ZNF599: variants seen among roughly 807,000 people sequenced by gnomAD.
The protein encoded by ZNF599 is zinc finger protein 599.
In ZNF599, 10 loss-of-function variants were observed where a neutral mutation model predicts 11.7. That is an observed-to-expected ratio of 0.86 (90% confidence interval 0.53 to 1.45). ZNF599 has a LOEUF of 1.45. Among genes scored for constraint, ZNF599 ranks in the 40% most tolerant of loss-of-function variants. The pLI is 0.00. For synonymous variants in ZNF599, 232 were observed against 253.2 expected (o/e 0.92, Z 0.79); for missense variants, 688 against 713.6 (o/e 0.96, Z 0.41).
At chr19:34,796,068 G>A in the ZNF599 span, among the ~76,000 whole-genome samples, 14 of 152,168 alleles carry the variant, frequency 9.2e-5, no homozygotes, top group African/African-American at 2.4e-4. Flanking sequence ...TGATCCGCCC[G>A]CCTCAGCCTC....
the ZNF599 span, among the ~76,000 whole-genome samples, chr19:34,802,438 G>A: frequency 6.6e-6 from 1 of 152,162 alleles, no homozygotes; most frequent in East Asian, 1.9e-4. Flanking sequence ...CCAGGCCCAA[G>A]AAAATCCAAT....
rs2069094829 is a variant in ZNF599 at position 34,759,514 on chromosome 19, C to T, written c.1287G>A (p.Gly429=). The T allele has an allele frequency of 1.2e-6, 2 of 1,613,810 alleles. No homozygotes were observed. Among genetic ancestry groups the T allele is most frequent in the Non-Finnish European group, 1.7e-6 (2 of 1,179,976 alleles). Residue 429 remains glycine (G), a synonymous_variant, in exon 4 of 4, where the codon GGG becomes GGA. Transcript: ENST00000329285. ...GEKPFECKEC[G]KAFCDSSSLI... The stretch of plus-strand genomic sequence containing the variant: ...AGGAAGAGCTGTCACAAAAGGCCTT[C>T]CCACATTCTTTGCACTCAAAGGGCT...
At chr19:34,793,607 C>T in the ZNF599 span, among the ~76,000 whole-genome samples, 1 of 152,078 alleles carries the variant, frequency 6.6e-6, no homozygotes, top group East Asian at 1.9e-4. Flanking sequence ...TGTGGCCCAC[C>T]CTGTGCTTCT....
rs1568494199 is a variant in ZNF599, at chr19:34,767,413, TG to T, written c.146-3del. 1 of 1,612,974 alleles carries T rather than the reference TG, an allele frequency of 6.2e-7. No individual in the cohort carries two copies. Among genetic ancestry groups the T allele is most frequent in the South Asian group, 1.1e-5 (1 of 91,044 alleles). On this transcript the variant is annotated splice_polypyrimidine_tract_variant and splice_region_variant and intron_variant, in intron 2 of 3. Transcript: ENST00000329285. Reference sequence around the variant, plus strand: ...GCTCTGGTTTGGGAACAGGATGCCCTGTGCATGGAGAAACAAATGGAGTATG... The same window carrying T: ...GCTCTGGTTTGGGAACAGGATGCCCTTGCATGGAGAAACAAATGGAGTATG...
the ZNF599 span, among the ~76,000 whole-genome samples, chr19:34,803,831 A>G: frequency 6.6e-6 from 1 of 152,144 alleles, no homozygotes; most frequent in Non-Finnish European, 1.5e-5. Flanking sequence ...CAAATACCAG[A>G]GCCCTAGGAC....
chr19:34,800,510 A>G, the ZNF599 span, among the ~76,000 whole-genome samples: 1 of 146,998 alleles, frequency 6.8e-6, no homozygotes, highest in Non-Finnish European at 1.5e-5. Flanking sequence ...TTTTTCCACT[A>G]TGTCCAGTCT....
chr19:34,765,084 A>AT (rs1204781836), intron 3 of ZNF599: 9 of 150,490 alleles, frequency 6.0e-5, no homozygotes, highest in East Asian at 3.9e-4. Context: ...AAACATCATC[A>AT]TTTTTTTTTA....
chr19:34,792,268 G>A, the ZNF599 span, among the ~76,000 whole-genome samples: 2 of 152,290 alleles, frequency 1.3e-5, no homozygotes, highest in African/African-American at 2.4e-5. Flanking sequence ...AAGTCAGTGG[G>A]TCTCAACCTC....
chr19:34,758,672 C>T lies in ZNF599; in HGVS notation c.*362G>A, dbSNP rs114434186. On this transcript the variant is annotated 3_prime_UTR_variant, in exon 4 of 4. Coordinates refer to ENST00000329285, the MANE Select transcript of ZNF599 (RefSeq NM_001007248.3). Reference sequence around the variant, plus strand: ...TTATCTTCTAGATTGTTTCCTCCATCTCTCATTATTTTAAAATATGCTTGA... The same window carrying T: ...TTATCTTCTAGATTGTTTCCTCCATTTCTCATTATTTTAAAATATGCTTGA... 1,642 of 174,602 alleles carry T rather than the reference C, an allele frequency of 9.4e-3. 13 individuals are homozygous for T. The highest frequency in any genetic ancestry group is 0.037 in the African/African-American group (1,545 of 42,298). The allele number at this position is 174,602 out of a possible 1,614,324, so 10.8% of individuals were successfully genotyped here. A position where few individuals can be genotyped will look rare whatever the true frequency, so the allele number is the denominator to read the frequency against.
At chr19:34,795,152 G>A in the ZNF599 span, among the ~76,000 whole-genome samples, 3 of 152,214 alleles carry the variant, frequency 2.0e-5, no homozygotes, top group African/African-American at 7.2e-5. Flanking sequence ...TGGTAACAGA[G>A]CTATTAAAGG....
rs960594748 is a variant in ZNF599, at chr19:34,773,030, A to C, written c.-189T>G. 23 of 655,664 alleles carry C rather than the reference A, an allele frequency of 3.5e-5. No homozygotes were observed. The highest frequency in any genetic ancestry group is 5.3e-5 in the Non-Finnish European group (22 of 413,212). 40.6% of individuals were successfully genotyped at this position (655,664 alleles called of 1,614,324 possible). On this transcript the variant is annotated 5_prime_UTR_variant, in exon 1 of 4. Coordinates refer to ENST00000329285, the MANE Select transcript of ZNF599 (RefSeq NM_001007248.3). Reference sequence around the variant, plus strand: ...ACAGGGCTGTCGCCAAGGCCCCAGGAAGGGTTTTGCAGACGCTTGTGGGGG... The same window carrying C: ...ACAGGGCTGTCGCCAAGGCCCCAGGCAGGGTTTTGCAGACGCTTGTGGGGG...
intron 1 of ZNF599, among the ~76,000 whole-genome samples, chr19:34,770,838 G>A (rs2069179077): frequency 6.6e-6 from 1 of 152,186 alleles, no homozygotes. Context: ...TGTCCATGCA[G>A]TTCCCTTTGC....
chr19:34,765,706 G>T (rs780811894), intron 3 of ZNF599: 86 of 702,356 alleles, frequency 1.2e-4, no homozygotes, highest in Non-Finnish European at 2.0e-4. Context: ...CAAGTGTGTA[G>T]GCTTTATTCA....
the ZNF599 span, among the ~76,000 whole-genome samples, chr19:34,787,223 A>G: frequency 2.5e-4 from 1 of 4,058 alleles, no homozygotes; most frequent in African/African-American, 5.1e-4. Flanking sequence ...TATTTTTATC[A>G]TCATCATCAT....
In ZNF599 at chr19:34,772,893, G is replaced by A. The variant is rs1037794684; in HGVS notation, c.-52C>T. 22 of 1,409,712 alleles carry A rather than the reference G, an allele frequency of 1.6e-5. No homozygotes were observed. The highest frequency in any genetic ancestry group is 1.9e-5 in the Non-Finnish European group (21 of 1,088,122). The allele number at this position is 1,409,712 out of a possible 1,614,324, so 87.3% of individuals were successfully genotyped here. A position where few individuals can be genotyped will look rare whatever the true frequency, so the allele number is the denominator to read the frequency against. On this transcript the variant is annotated 5_prime_UTR_variant, in exon 1 of 4. Coordinates refer to ENST00000329285, the MANE Select transcript of ZNF599 (RefSeq NM_001007248.3). ...GAGAGTCGGCGAGGAAGCCGGTCCT[G>A]CGGGCTCGGCCGACCCCGGGCTCCG...
At chr19:34,803,323 A>C in the ZNF599 span, among the ~76,000 whole-genome samples, 72 of 152,314 alleles carry the variant, frequency 4.7e-4, no homozygotes, top group Middle Eastern at 3.4e-3. Context: ...GGCAGAATCT[A>C]GTCTAAAGTA....
the ZNF599 span, among the ~76,000 whole-genome samples, chr19:34,783,873 C>G: frequency 6.6e-6 from 1 of 152,244 alleles, no homozygotes; most frequent in Admixed American, 6.5e-5. Flanking sequence ...TAGGCCCCAC[C>G]TGTGAAGCCC....
the ZNF599 span, among the ~76,000 whole-genome samples, chr19:34,804,234 G>C: frequency 6.6e-6 from 1 of 152,232 alleles, no homozygotes; most frequent in East Asian, 1.9e-4. Flanking sequence ...CCGTAGAGCT[G>C]TGAAGTAAAG....
At chr19:34,795,121 C>A in the ZNF599 span, among the ~76,000 whole-genome samples, 88 of 152,288 alleles carry the variant, frequency 5.8e-4, no homozygotes, top group African/African-American at 1.9e-3. Flanking sequence ...AGAGGTTAAA[C>A]AAGCAAGGGC....
Sources: allele counts gnomAD v4.1 joint callset (sites outside exome capture counted in the v4.1 genomes callset), GRCh38; gene constraint gnomAD v4.1.1; transcripts MANE v1.5; gene names NCBI Gene and HGNC (gene_info 2026-07-23, HGNC 2026-07-21).